TAF6: variants seen among roughly 807,000 people sequenced by gnomAD.
TAF6 encodes transcription initiation factor TFIID subunit 6.
A neutral mutation model predicts 73.5 loss-of-function variants in TAF6; 50 were observed. The ratio of observed to expected loss-of-function variants is 0.68; its 90% CI spans 0.54 to 0.86. The LOEUF is 0.86. Among genes scored for constraint, TAF6 ranks in the 40% least tolerant of loss-of-function variants. TAF6 has a pLI of 0.00. For synonymous variants in TAF6, 424 were observed against 376.7 expected (o/e 1.13, Z -1.45); for missense variants, 768 against 899.5 (o/e 0.85, Z 1.87).
At chr7:100,117,267 CTTTTTT>C (rs1181165298) in intron 1 of TAF6, among the ~76,000 whole-genome samples, 9 of 105,086 alleles carry the variant, frequency 8.6e-5, no homozygotes, top group South Asian at 3.5e-4. Flanking sequence ...AGACAGGGCT[CTTTTTT>C]TTTTTTTTTT....
chr7:100,113,790 A>G (rs1245999401), intron 3 of TAF6, 21 bp from the exon 4 acceptor site: 1 of 1,613,620 alleles, frequency 6.2e-7, no homozygotes, highest in Admixed American at 1.7e-5. Flanking sequence ...AGAGAGGGGC[A>G]TGGGTAAGAA....
At chr7:100,116,246 G>C (rs189965804) in intron 1 of TAF6, among the ~76,000 whole-genome samples, 16 of 152,266 alleles carry the variant, frequency 1.1e-4, no homozygotes, top group African/African-American at 3.4e-4. Context: ...GGCAGGTGCA[G>C]TGGCTCAGCT....
rs983747122 is a variant in TAF6, at chr7:100,112,375, C to T, written c.575-122G>A. 22 of 1,385,186 alleles carry T rather than the reference C, an allele frequency of 1.6e-5. 1 individual carries two copies. In the South Asian group the frequency reaches 2.8e-4, roughly 18 times the overall value. 85.8% of individuals were successfully genotyped at this position (1,385,186 alleles called of 1,614,324 possible). On this transcript the variant is annotated intron_variant, in intron 6 of 14. Coordinates refer to ENST00000453269, the MANE Select transcript of TAF6 (RefSeq NM_139315.3). The stretch of plus-strand genomic sequence containing the variant: ...GACCTGGCTTCTTCTTAGGCTCCCC[C>T]ATCCTTTCTGGGGCTCTGGCCCTGA...
chr7:100,111,234 G>A lies in TAF6; in HGVS notation c.988C>T (p.Arg330Ter), dbSNP rs749413487. ...RPDVDNHWALRDFAARLVAQI... is the reference protein window; with the variant it reads ...RPDVDNHWAL ...GCCACCAGGCGGGCAGCAAAGTCTC[G>A]GAGTGCCCAGTGATTGTCCACATCT... Residue 330 changes from arginine (R) to a stop codon, truncating the protein, a stop_gained, in exon 10 of 15, where the codon CGA (arginine) becomes TGA (stop). Coordinates refer to ENST00000453269, the MANE Select transcript of TAF6 (RefSeq NM_139315.3). LOFTEE classifies it high-confidence loss of function. The A allele has an allele frequency of 3.7e-6, 6 of 1,614,218 alleles. No individual in the cohort carries two copies. Among genetic ancestry groups the A allele is most frequent in the South Asian group, 1.1e-5 (1 of 91,084 alleles).
chr7:100,122,805 A>C, upstream of TAF6: 4 of 1,613,886 alleles, frequency 2.5e-6, no homozygotes, highest in Non-Finnish European at 3.4e-6. Flanking sequence ...GACCATGGCA[A>C]CACTGAAAGG....
At chr7:100,118,845 C>T in intron 1 of TAF6, 4 of 985,224 alleles carry the variant, frequency 4.1e-6, no homozygotes, top group Non-Finnish European at 4.8e-6. Flanking sequence ...TTTTATAAGT[C>T]TTATCTATAG....
At chr7:100,119,147 A>C (rs1004783694) in intron 1 of TAF6, 57 bp downstream of exon 1, 5 of 986,808 alleles carry the variant, frequency 5.1e-6, no homozygotes, top group African/African-American at 3.5e-5. Context: ...CTCCTGCAAC[A>C]TCTCTCCAAT....
chr7:100,108,487 G>A lies in TAF6; in HGVS notation c.1338C>T (p.Asp446=), dbSNP rs200398416. The change falls in exon 13 of 15, where the codon GAC becomes GAT. Residue 446 remains aspartate (D), a synonymous_variant. Transcript: ENST00000453269. The part of the protein sequence containing the change: ...AKLRPPPDNQ[D]AYRAEFGSLG... ...GGGACCCGAATTCTGCCCGATAGGC[G>A]TCCTGATTGTCAGGCGGTGGGCGCA... The A allele has an allele frequency of 7.8e-5, 126 of 1,613,792 alleles. No homozygotes were observed. The highest frequency in any genetic ancestry group is 1.7e-4 in the Middle Eastern group (1 of 6,060).
intron 4 of TAF6, 61 bp from the exon 5 acceptor site, chr7:100,113,466 T>C: frequency 6.5e-7 from 1 of 1,531,086 alleles, no homozygotes; most frequent in Non-Finnish European, 8.8e-7. Context: ...AGTTGCCCCA[T>C]GCTATGGAAG....
intron 1 of TAF6, among the ~76,000 whole-genome samples, chr7:100,117,030 G>A (rs1381078847): frequency 1.3e-5 from 2 of 151,926 alleles, no homozygotes; most frequent in Non-Finnish European, 2.9e-5. Context: ...GGCAGATCAC[G>A]AGGTCAAGAG....
Position 100,119,204 on chromosome 7 carries a change from C to A in TAF6, c.-60G>T. The A allele has an allele frequency of 1.0e-6, 1 of 991,102 alleles. No homozygotes were observed. Among genetic ancestry groups the A allele is most frequent in the Non-Finnish European group, 1.2e-6 (1 of 833,046 alleles). The allele number at this position is 991,102 out of a possible 1,614,324, so 61.4% of individuals were successfully genotyped here. On this transcript the variant is annotated splice_region_variant and 5_prime_UTR_variant, in exon 1 of 15. Coordinates refer to ENST00000453269, the MANE Select transcript of TAF6 (RefSeq NM_139315.3). ...CCACGAGCACAGACACACAACCAACCGTCCTCTTTCCAGTCCCCACAAGGG... is the reference window on the plus strand; with the variant it reads ...CCACGAGCACAGACACACAACCAACAGTCCTCTTTCCAGTCCCCACAAGGG...
chr7:100,122,049 G>GGAA (rs1798088899), upstream of TAF6: 24 of 314,270 alleles, frequency 7.6e-5, no homozygotes, highest in South Asian at 1.4e-4. Flanking sequence ...GAGTCCGTCT[G>GGAA]AAAAAAAAAA....
chr7:100,119,871 A>G (rs774014017), upstream of TAF6: 7 of 1,610,642 alleles, frequency 4.3e-6, no homozygotes, highest in Non-Finnish European at 5.9e-6. Context: ...AGGTATTTGA[A>G]GGGGGTAGCC....
chr7:100,123,381 A>G (rs1206880463), upstream of TAF6, among the ~76,000 whole-genome samples: 1 of 151,934 alleles, frequency 6.6e-6, no homozygotes, highest in East Asian at 1.9e-4. Context: ...AAAAGAAATC[A>G]TAATGAGCCG....
chr7:100,112,785 TAGG>T lies in TAF6; in HGVS notation c.574+10_574+12del. ...GGCAAGAGTCCAGAGAGGCCTAGCC[TAGG>T]AGGACTGACCTTTGCCGTCGGCTGT... is the stretch of plus-strand genomic sequence containing the variant. On this transcript the variant is annotated intron_variant, in intron 6 of 14. Coordinates refer to ENST00000453269, the MANE Select transcript of TAF6 (RefSeq NM_139315.3). 1.2e-6 allele frequency: 2 copies of T among 1,607,640 alleles called. No individual in the cohort carries two copies. Among genetic ancestry groups the T allele is most frequent in the Non-Finnish European group, 1.7e-6 (2 of 1,176,490 alleles).
intron 5 of TAF6, 25 bp from the exon 6 acceptor site, chr7:100,112,942 G>A (rs768783833): frequency 6.3e-7 from 1 of 1,594,848 alleles, no homozygotes; most frequent in Non-Finnish European, 8.5e-7. Context: ...GGCACAGCGG[G>A]AGGGGTGATG....
upstream of TAF6, among the ~76,000 whole-genome samples, chr7:100,121,782 G>T (rs1011497186): frequency 1.3e-5 from 2 of 151,600 alleles, no homozygotes; most frequent in Non-Finnish European, 2.9e-5. Context: ...CGGGCGTGGT[G>T]GCTCACGCCT....
chr7:100,121,846 C>T (rs541325402), upstream of TAF6, among the ~76,000 whole-genome samples: 21 of 151,292 alleles, frequency 1.4e-4, no homozygotes, highest in South Asian at 6.3e-4. Context: ...GTCAGCTGAT[C>T]GAGACCATCC....
Position 100,108,071 on chromosome 7 carries a change from G to A in TAF6, c.1511C>T (p.Pro504Leu), listed in dbSNP as rs1374431111. Residue 504 changes from proline (P) to leucine (L), a missense_variant, in exon 14 of 15, where the codon CCT (proline) becomes CTT (leucine). Physicochemically the swap from Pro to Leu is moderately conservative, Grantham distance 98. Transcript: ENST00000453269. ...SQAPQPGPRT[P>L]GLLKVPGSIA... ...GGAGCCAGGAACCTTCAGCAAGCCAGGGGTGCGAGGGCCAGGCTGTGGGGC... is the reference window on the plus strand; with the variant it reads ...GGAGCCAGGAACCTTCAGCAAGCCAAGGGTGCGAGGGCCAGGCTGTGGGGC... 1 of 1,612,102 alleles carries A rather than the reference G, an allele frequency of 6.2e-7. No individual in the cohort carries two copies. The highest frequency in any genetic ancestry group is 8.5e-7 in the Non-Finnish European group (1 of 1,179,580).
Sources: gnomAD v4.1 joint callset for allele counts (sites outside exome capture counted in the v4.1 genomes callset) on GRCh38, gnomAD v4.1.1 for gene constraint, MANE v1.5 for transcripts, NCBI Gene and HGNC (gene_info 2026-07-23, HGNC 2026-07-21) for gene names.